The following RBKS variants were observed in gnomAD, a reference collection of about 807,000 sequenced individuals.
RBKS encodes ribokinase.
In RBKS, 33 loss-of-function variants were observed where a neutral mutation model predicts 33.9. That is an observed-to-expected ratio of 0.97 (90% CI 0.74 to 1.30). The LOEUF is 1.30. Among genes scored for constraint, RBKS ranks in the 50% most tolerant of loss-of-function variants. The probability of loss-of-function intolerance (pLI) is 0.00; values close to 1 mark genes in which losing one functional copy is unlikely to be tolerated. For synonymous variants in RBKS, 125 were observed against 143.0 expected (o/e 0.87, Z 0.90); for missense variants, 361 against 392.6 (o/e 0.92, Z 0.68).
At chr2:27,881,394 A>G (rs1168952441) in intron 1 of RBKS, among the ~76,000 whole-genome samples, 2 of 151,812 alleles carry the variant, frequency 1.3e-5, no homozygotes, top group Non-Finnish European at 2.9e-5. Flanking sequence ...TACAAAAATT[A>G]GCCAGCCGTA....
chr2:27,787,309 G>A (rs1421793802), intron 7 of RBKS, among the ~76,000 whole-genome samples: 1 of 152,162 alleles, frequency 6.6e-6, no homozygotes, highest in Non-Finnish European at 1.5e-5. Context: ...GTGTGTGCTT[G>A]TAGTCCTAGC....
At chr2:27,861,906 A>G (rs931507449) in intron 1 of RBKS, among the ~76,000 whole-genome samples, 5 of 151,080 alleles carry the variant, frequency 3.3e-5, no homozygotes, top group Admixed American at 3.3e-4. Context: ...CAGCCTCCCA[A>G]AGAGCTGGGA....
chr2:27,787,228 G>A (rs570398129), intron 7 of RBKS, among the ~76,000 whole-genome samples: 1 of 152,166 alleles, frequency 6.6e-6, no homozygotes, highest in South Asian at 2.1e-4. Context: ...CACACTGGGA[G>A]CAAGACCAGC....
chr2:27,788,863 CA>C (rs984330323), intron 7 of RBKS, among the ~76,000 whole-genome samples: 1 of 152,078 alleles, frequency 6.6e-6, no homozygotes, highest in African/African-American at 2.4e-5. Context: ...TAAAGAAAAA[CA>C]AATGGTGAGA....
chr2:27,808,231 G>A (rs1677928053), intron 7 of RBKS, among the ~76,000 whole-genome samples: 1 of 152,276 alleles, frequency 6.6e-6, no homozygotes, highest in Non-Finnish European at 1.5e-5. Flanking sequence ...GTGGTATTAC[G>A]AATGACACTG....
chr2:27,851,341 T>C (rs1204214442), intron 2 of RBKS, among the ~76,000 whole-genome samples: 3 of 152,130 alleles, frequency 2.0e-5, no homozygotes, highest in Non-Finnish European at 2.9e-5. Flanking sequence ...TCCTCTCATC[T>C]CCACACCTCC....
At chr2:27,817,003 T>C (rs1297342737) in intron 7 of RBKS, among the ~76,000 whole-genome samples, 1 of 152,216 alleles carries the variant, frequency 6.6e-6, no homozygotes, top group Non-Finnish European at 1.5e-5. Flanking sequence ...ATCTTAAATG[T>C]AGAACTTAAG....
intron 1 of RBKS, among the ~76,000 whole-genome samples, chr2:27,872,486 G>C (rs1031667889): frequency 6.6e-6 from 1 of 151,954 alleles, no homozygotes; most frequent in Non-Finnish European, 1.5e-5. Flanking sequence ...AACAAACCTG[G>C]ATAGCTTTAT....
intron 5 of RBKS, among the ~76,000 whole-genome samples, chr2:27,839,742 C>T (rs1663435127): frequency 6.6e-6 from 1 of 152,144 alleles, no homozygotes; most frequent in African/African-American, 2.4e-5. Flanking sequence ...CGGAATAATG[C>T]TGTTCAGCAC....
At chr2:27,857,351 T>A (rs1663877282) in intron 2 of RBKS, among the ~76,000 whole-genome samples, 1 of 152,228 alleles carries the variant, frequency 6.6e-6, no homozygotes, top group African/African-American at 2.4e-5. Flanking sequence ...GCTAGCGCCT[T>A]AAAATTTCAT....
chr2:27,816,234 G>T (rs1184548718), intron 7 of RBKS, among the ~76,000 whole-genome samples: 1 of 152,218 alleles, frequency 6.6e-6, no homozygotes, highest in Non-Finnish European at 1.5e-5. Context: ...TTAAAATATT[G>T]AATTCTGCCT....
At chr2:27,851,568 C>G (rs564274126) in intron 2 of RBKS, among the ~76,000 whole-genome samples, 1 of 151,230 alleles carries the variant, frequency 6.6e-6, no homozygotes, top group African/African-American at 2.4e-5. Flanking sequence ...GACGGAGTTT[C>G]GCTCTTGTTG....
chr2:27,866,027 C>T (rs1664092279), intron 1 of RBKS, among the ~76,000 whole-genome samples: 2 of 152,098 alleles, frequency 1.3e-5, no homozygotes, highest in African/African-American at 4.8e-5. Flanking sequence ...GTCTTCATTC[C>T]TTTGGGTGGA....
chr2:27,802,430 TTGTGTGTG>T (rs35820162), intron 7 of RBKS, among the ~76,000 whole-genome samples: 3 of 149,062 alleles, frequency 2.0e-5, no homozygotes, highest in African/African-American at 7.3e-5. Context: ...GAACATATGT[TTGTGTGTG>T]TGTGTGTGTG....
chr2:27,822,862 A>G (rs748681961), intron 7 of RBKS, among the ~76,000 whole-genome samples: 1 of 152,252 alleles, frequency 6.6e-6, no homozygotes, highest in Non-Finnish European at 1.5e-5. Context: ...ATTCTTGAGA[A>G]GACAGATTTA....
intron 5 of RBKS, among the ~76,000 whole-genome samples, chr2:27,840,327 T>TACACACAC (rs544313433): frequency 0.033 from 3,895 of 117,590 alleles, 84 homozygotes; most frequent in Middle Eastern, 0.047. Flanking sequence ...GATGATGCAT[T>TACACACAC]ACACACACAC....
At chr2:27,831,516 C>G (rs990902070) in intron 6 of RBKS, among the ~76,000 whole-genome samples, 3 of 152,172 alleles carry the variant, frequency 2.0e-5, no homozygotes, top group African/African-American at 7.2e-5. Flanking sequence ...TATTGCATAA[C>G]CTATTGTGGT....
intron 7 of RBKS, among the ~76,000 whole-genome samples, chr2:27,814,103 C>G (rs1274735653): frequency 1.3e-5 from 2 of 151,850 alleles, no homozygotes; most frequent in African/African-American, 2.4e-5. Context: ...TGCCTGTGGT[C>G]CCAGCTACTC....
At chr2:27,889,311 A>G (rs1262137058) in intron 1 of RBKS, among the ~76,000 whole-genome samples, 1 of 152,154 alleles carries the variant, frequency 6.6e-6, no homozygotes, top group African/African-American at 2.4e-5. Context: ...CACGTTCTCT[A>G]TTACCCTTTG....
Sources: gnomAD v4.1 joint callset for allele counts (sites outside exome capture counted in the v4.1 genomes callset) on GRCh38, gnomAD v4.1.1 for gene constraint, MANE v1.5 for transcripts, NCBI Gene and HGNC (gene_info 2026-07-23, HGNC 2026-07-21) for gene names.